The following SIPA1L2 variants were observed in gnomAD, a reference collection of about 807,000 sequenced individuals.
SIPA1L2 encodes the protein signal induced proliferation associated 1 like 2.
SIPA1L2 carries 56 observed loss-of-function variants against 163.9 expected under a neutral mutation model. The observed-to-expected ratio is 0.34, with a 90% confidence interval of 0.28 to 0.43. The LOEUF is 0.43. SIPA1L2 is among the 20% of genes least tolerant of loss of function. The probability of loss-of-function intolerance (pLI) is 1.00; values close to 1 mark genes in which losing one functional copy is unlikely to be tolerated. For missense variants in SIPA1L2, 1,974 were observed against 2,193.5 expected, an observed-to-expected ratio of 0.90 and a Z score of 2.00; for synonymous variants, 877 against 865.7, an observed-to-expected ratio of 1.01 and a Z score of -0.23.
chr1:232,523,564 TA>T (rs1460358994), intron 2 of SIPA1L2, among the ~76,000 whole-genome samples: 1 of 152,162 alleles, frequency 6.6e-6, no homozygotes, highest in Non-Finnish European at 1.5e-5. Flanking sequence ...TTAGAAATCA[TA>T]AAAAATAATC....
chr1:232,457,919 T>C (rs544041510), intron 10 of SIPA1L2, among the ~76,000 whole-genome samples: 3 of 152,202 alleles, frequency 2.0e-5, no homozygotes, highest in Non-Finnish European at 2.9e-5. Flanking sequence ...ACCCAGACAG[T>C]TGCAGGCAGA....
Position 232,515,383 on chromosome 1 carries a change from G to T in SIPA1L2, c.-44C>A. 1.3e-6 allele frequency: 2 copies of T among 1,520,078 alleles called. No homozygotes were observed. The highest frequency in any genetic ancestry group is 8.8e-7 in the Non-Finnish European group (1 of 1,136,228). The allele number at this position is 1,520,078 out of a possible 1,614,324, so 94.2% of individuals were successfully genotyped here. ...TCCAAGTCTCACCAGGAAGACTGAT[G>T]TAAATCTAATTACATTGCTACCGAC... On this transcript the variant is annotated 5_prime_UTR_variant, in exon 3 of 23. Coordinates refer to ENST00000674635, the MANE Select transcript of SIPA1L2 (RefSeq NM_020808.5).
At position 232,461,082 on chromosome 1, in the gene SIPA1L2, A is replaced by G; in HGVS notation, c.2900T>C (p.Phe967Ser). 6 of 1,614,280 alleles carry G rather than the reference A, an allele frequency of 3.7e-6. No homozygotes were observed. Among genetic ancestry groups the G allele is most frequent in the Non-Finnish European group, 5.1e-6 (6 of 1,180,056 alleles). Residue 967 changes from phenylalanine (F) to serine (S), a missense_variant, in exon 10 of 23, where the codon TTT becomes TCT. Phe to Ser is a radical substitution (Grantham distance 155). Around this residue, in one of 3 missense-constraint regions of SIPA1L2, gnomAD observed 1,079 missense variants for 1,150.7 expected, o/e 0.94. Coordinates refer to ENST00000674635, the MANE Select transcript of SIPA1L2 (RefSeq NM_020808.5). ...GLGQLGFHVN[F>S]EGIVADVEPF... is the part of the protein sequence containing the mutation. ...TTCCACATCTGCGACAATTCCTTCAAAATTCACATGGAAGCCAAGCTGGCC... is the reference window on the plus strand; with the variant it reads ...TTCCACATCTGCGACAATTCCTTCAGAATTCACATGGAAGCCAAGCTGGCC...
chr1:232,495,041 G>A (rs1666109966), intron 3 of SIPA1L2, among the ~76,000 whole-genome samples: 1 of 152,130 alleles, frequency 6.6e-6, no homozygotes, highest in Admixed American at 6.5e-5. Flanking sequence ...GATTTCTGAA[G>A]GAATAAGAAA....
chr1:232,527,460 C>A (rs2103074578), intron 2 of SIPA1L2, among the ~76,000 whole-genome samples: 1 of 152,286 alleles, frequency 6.6e-6, no homozygotes, highest in Admixed American at 6.5e-5. Context: ...TTCCAGGGCA[C>A]TGAGGGGAAG....
At chr1:232,516,336 A>G (rs951716142) in intron 2 of SIPA1L2, among the ~76,000 whole-genome samples, 3 of 152,190 alleles carry the variant, frequency 2.0e-5, no homozygotes, top group Non-Finnish European at 4.4e-5. Flanking sequence ...CTTGTACCTC[A>G]GTTGTCAGTT....
chr1:232,626,451 G>T (rs752806374), intron 1 of SIPA1L2, among the ~76,000 whole-genome samples: 1 of 152,068 alleles, frequency 6.6e-6, no homozygotes, highest in African/African-American at 2.4e-5. Flanking sequence ...AATCTCTCAA[G>T]AAGCAGAACC....
At chr1:232,406,871 A>C (rs920024381) in intron 19 of SIPA1L2, among the ~76,000 whole-genome samples, 7 of 152,246 alleles carry the variant, frequency 4.6e-5, no homozygotes, top group African/African-American at 1.7e-4. Flanking sequence ...AAGCTGTTCT[A>C]ATATGTCTTT....
At chr1:232,401,214 C>A (rs1293370842) in intron 22 of SIPA1L2, among the ~76,000 whole-genome samples, 1 of 152,162 alleles carries the variant, frequency 6.6e-6, no homozygotes, top group Non-Finnish European at 1.5e-5. Flanking sequence ...GGGTGACCAG[C>A]CATCCCAGCT....
chr1:232,571,003 T>C (rs1659696271), intron 2 of SIPA1L2, among the ~76,000 whole-genome samples: 1 of 148,526 alleles, frequency 6.7e-6, no homozygotes, highest in South Asian at 2.1e-4. Context: ...CTGACATACT[T>C]GATAAAAGAG....
intron 2 of SIPA1L2, among the ~76,000 whole-genome samples, chr1:232,552,181 T>C (rs186496675): frequency 6.6e-6 from 1 of 152,266 alleles, no homozygotes; most frequent in African/African-American, 2.4e-5. Flanking sequence ...TAGATTTATA[T>C]CAAATATTTA....
intron 2 of SIPA1L2, among the ~76,000 whole-genome samples, chr1:232,572,738 CAT>C (rs1219493276): frequency 0.03 from 1,167 of 39,272 alleles, 10 homozygotes; most frequent in Non-Finnish European, 0.052. Flanking sequence ...TACATACATA[CAT>C]ATATATATAT....
chr1:232,562,725 T>C (rs958551010), intron 2 of SIPA1L2, among the ~76,000 whole-genome samples: 1 of 152,204 alleles, frequency 6.6e-6, no homozygotes, highest in African/African-American at 2.4e-5. Context: ...TTAGTCCACT[T>C]GATAATCAGA....
intron 2 of SIPA1L2, among the ~76,000 whole-genome samples, chr1:232,517,523 T>C (rs184183806): frequency 1.1e-3 from 164 of 152,288 alleles, no homozygotes; most frequent in Middle Eastern, 0.01. Flanking sequence ...CTATTAAATA[T>C]TAAAACTAGG....
chr1:232,546,758 C>A (rs1349046441), intron 2 of SIPA1L2, among the ~76,000 whole-genome samples: 1 of 152,204 alleles, frequency 6.6e-6, no homozygotes, highest in Non-Finnish European at 1.5e-5. Context: ...AAGAGACATG[C>A]ATTAAGACAT....
chr1:232,623,266 C>G (rs992891196), intron 1 of SIPA1L2, among the ~76,000 whole-genome samples: 11 of 152,186 alleles, frequency 7.2e-5, no homozygotes, highest in Non-Finnish European at 1.5e-4. Flanking sequence ...ATACCCTGAT[C>G]CTGGGAATGC....
intron 2 of SIPA1L2, among the ~76,000 whole-genome samples, chr1:232,556,926 C>T (rs971350444): frequency 6.6e-6 from 1 of 152,008 alleles, no homozygotes; most frequent in African/African-American, 2.4e-5. Flanking sequence ...GGAGGCAATC[C>T]GTTGGACCAG....
At chr1:232,486,580 C>T (rs1156458733) in intron 5 of SIPA1L2, among the ~76,000 whole-genome samples, 1 of 152,178 alleles carries the variant, frequency 6.6e-6, no homozygotes, top group Non-Finnish European at 1.5e-5. Flanking sequence ...AAGTTTACCA[C>T]TCACAGGTAT....
At chr1:232,628,920 CT>C (rs1663221769) in intron 1 of SIPA1L2, among the ~76,000 whole-genome samples, 1 of 149,318 alleles carries the variant, frequency 6.7e-6, no homozygotes, top group Non-Finnish European at 1.5e-5. Flanking sequence ...GGTTTTTTTC[CT>C]TGTTTTTTTT....
Sources: allele counts gnomAD v4.1 joint callset (sites outside exome capture counted in the v4.1 genomes callset), GRCh38; gene constraint gnomAD v4.1.1; regional missense constraint gnomAD v4.1.1; transcripts MANE v1.5; gene names NCBI Gene and HGNC (gene_info 2026-07-23, HGNC 2026-07-21).